Variants in KDM2A observed in about 807,000 individuals in gnomAD.
The protein encoded by KDM2A is lysine-specific demethylase 2A.
In KDM2A, 3 loss-of-function variants were observed where a neutral mutation model predicts 137.3. The ratio of observed to expected loss-of-function variants is 0.02; its 90% CI spans 0.01 to 0.06. The LOEUF is 0.06. Among genes scored for constraint, KDM2A ranks in the 10% least tolerant of loss-of-function variants. KDM2A has a pLI of 1.00. For synonymous variants in KDM2A, 512 were observed against 541.5 expected, an observed-to-expected ratio of 0.95 and a Z score of 0.76; for missense variants, 738 against 1,510.6, an observed-to-expected ratio of 0.49 and a Z score of 8.48.
At chr11:67,247,812 A>C (rs1246301149) in intron 15 of KDM2A, among the ~76,000 whole-genome samples, 1 of 152,186 alleles carries the variant, frequency 6.6e-6, no homozygotes, top group Non-Finnish European at 1.5e-5. Flanking sequence ...CATATCTCAA[A>C]CCCAAAGAAT....
In KDM2A at chr11:67,252,872, C is replaced by T. The variant is rs763803813; in HGVS notation, c.2932+15C>T. On this transcript the variant is annotated intron_variant, in intron 18 of 20. Transcript: ENST00000529006. ...TAGGCTGCCAGGTAAGTGAGCAGCC[C>T]TGCCGCTGTCTTTCCAGGGGCCCAG... 1 of 1,590,480 alleles carries T rather than the reference C, an allele frequency of 6.3e-7. No homozygotes were observed.
chr11:67,208,130 G>T (rs1565404622), intron 6 of KDM2A, among the ~76,000 whole-genome samples: 2 of 148,456 alleles, frequency 1.3e-5, no homozygotes, highest in Admixed American at 6.6e-5. Flanking sequence ...TATTTGACAA[G>T]AATAATTTGT....
intron 6 of KDM2A, among the ~76,000 whole-genome samples, chr11:67,210,853 A>G (rs1173897685): frequency 6.6e-6 from 1 of 152,204 alleles, no homozygotes; most frequent in Non-Finnish European, 1.5e-5. Flanking sequence ...TTACATTTAT[A>G]GCTAGAGGCC....
At chr11:67,177,629 TCTC>T (rs1856999095) in intron 2 of KDM2A, among the ~76,000 whole-genome samples, 1 of 152,036 alleles carries the variant, frequency 6.6e-6, no homozygotes, top group South Asian at 2.1e-4. Flanking sequence ...TGAGCTGTCA[TCTC>T]CTGTGATAAC....
chr11:67,169,913 ATGG>A (rs1856841320), intron 2 of KDM2A, among the ~76,000 whole-genome samples: 5 of 151,062 alleles, frequency 3.3e-5, no homozygotes, highest in Non-Finnish European at 5.9e-5. Flanking sequence ...ACGTGCCACC[ATGG>A]CAGGCTAATT....
At chr11:67,142,595 G>C (rs892377610) in intron 2 of KDM2A, among the ~76,000 whole-genome samples, 3 of 150,010 alleles carry the variant, frequency 2.0e-5, no homozygotes, top group Non-Finnish European at 4.5e-5. Flanking sequence ...GTTGGGGTTG[G>C]GGGGGCGTCA....
At chr11:67,145,549 A>G (rs72927000) in intron 2 of KDM2A, among the ~76,000 whole-genome samples, 1,516 of 148,542 alleles carry the variant, frequency 0.01, 11 homozygotes, top group Non-Finnish European at 0.014. Context: ...GTAGCACCCC[A>G]TTTTTTTTTT....
At chr11:67,242,116 GTCAACCAGTGTGAT>G (rs1288322472) in intron 12 of KDM2A, among the ~76,000 whole-genome samples, 2 of 152,096 alleles carry the variant, frequency 1.3e-5, no homozygotes, top group Admixed American at 1.3e-4. Flanking sequence ...CAAAATAACA[GTCAACCAGTGTGAT>G]TCACTTAAGT....
intron 2 of KDM2A, among the ~76,000 whole-genome samples, chr11:67,178,094 T>C (rs1857009435): frequency 6.6e-6 from 1 of 152,174 alleles, no homozygotes; most frequent in South Asian, 2.1e-4. Context: ...TCTCATACCA[T>C]ACAGTCTCCT....
chr11:67,164,493 T>G lies in KDM2A; in HGVS notation c.43-15586T>G, dbSNP rs139096606. Among the ~76,000 whole-genome samples, 366 of 152,262 alleles carry G rather than the reference T, an allele frequency of 2.4e-3. 2 individuals are homozygous for G. Among genetic ancestry groups the G allele is most frequent in the African/African-American group, 6.1e-3 (252 of 41,570 alleles). On this transcript the variant is annotated intron_variant, in intron 2 of 20. Coordinates refer to ENST00000529006, the MANE Select transcript of KDM2A (RefSeq NM_012308.3). ...TTGGCCTTTTTTTGTTGTTGTTGTTTTTTTGTAGCGATGGGACATTGCTCT... is the reference window on the plus strand; with the variant it reads ...TTGGCCTTTTTTTGTTGTTGTTGTTGTTTTGTAGCGATGGGACATTGCTCT...
chr11:67,145,818 C>T (rs1856230748), intron 2 of KDM2A, among the ~76,000 whole-genome samples: 1 of 151,454 alleles, frequency 6.6e-6, no homozygotes, highest in Non-Finnish European at 1.5e-5. Flanking sequence ...ATACATTTTC[C>T]TTCCTCTCTA....
At chr11:67,202,806 C>T (rs1565401745) in intron 5 of KDM2A, among the ~76,000 whole-genome samples, 1 of 150,410 alleles carries the variant, frequency 6.6e-6, no homozygotes, top group Non-Finnish European at 1.5e-5. Context: ...ATTGTCGACC[C>T]GAGAAACAGC....
At chr11:67,240,736 T>C (rs542990578) in intron 12 of KDM2A, among the ~76,000 whole-genome samples, 76 of 152,206 alleles carry the variant, frequency 5.0e-4, no homozygotes, top group Non-Finnish European at 1.0e-3. Context: ...CCCCCTCTAG[T>C]GAAGGGTGGT....
chr11:67,253,466 C>A lies in KDM2A; in HGVS notation c.2946C>A (p.Leu982=), dbSNP rs1266453786. The part of the protein sequence containing the change: ...LVNRLPGLKD[L]LLAGCSWSAV... ...CATCCATTGCAGGACTGAAAGACCT[C>A]CTCCTAGCAGGCTGCTCCTGGTCTG... The change falls in exon 19 of 21, where the codon CTC becomes CTA. Residue 982 remains leucine (L), a synonymous_variant. Transcript: ENST00000529006. 6.2e-7 allele frequency: 1 copy of A among 1,613,648 alleles called. No homozygotes were observed. The highest frequency in any genetic ancestry group is 1.1e-5 in the South Asian group (1 of 91,062).
At chr11:67,179,259 GTTT>G (rs200253663) in intron 2 of KDM2A, among the ~76,000 whole-genome samples, 1 of 151,726 alleles carries the variant, frequency 6.6e-6, no homozygotes, top group African/African-American at 2.4e-5. Flanking sequence ...GGAATGCTGG[GTTT>G]TTTTTGTTTT....
At chr11:67,140,328 T>C (rs1856070131) in intron 2 of KDM2A, among the ~76,000 whole-genome samples, 1 of 151,952 alleles carries the variant, frequency 6.6e-6, no homozygotes, top group Non-Finnish European at 1.5e-5. Flanking sequence ...ATTACGCCAC[T>C]GCACTCCATC....
intron 2 of KDM2A, among the ~76,000 whole-genome samples, chr11:67,139,009 A>G (rs1856033507): frequency 6.6e-6 from 1 of 152,196 alleles, no homozygotes; most frequent in Non-Finnish European, 1.5e-5. Flanking sequence ...ACATTTTTCT[A>G]AACCACTAAT....
At chr11:67,182,160 T>C (rs1220679570) in intron 5 of KDM2A, among the ~76,000 whole-genome samples, 2 of 152,180 alleles carry the variant, frequency 1.3e-5, no homozygotes, top group African/African-American at 2.4e-5. Flanking sequence ...TAGGGCAACC[T>C]TTCCAAGAAA....
At chr11:67,237,239 T>G (rs1858897707) in intron 12 of KDM2A, among the ~76,000 whole-genome samples, 1 of 152,118 alleles carries the variant, frequency 6.6e-6, no homozygotes, top group African/African-American at 2.4e-5. Context: ...ATCTAAAAAT[T>G]TATGTTAGGC....
Sources: gnomAD v4.1 joint callset for allele counts (sites outside exome capture counted in the v4.1 genomes callset) on GRCh38, gnomAD v4.1.1 for gene constraint, MANE v1.5 for transcripts, NCBI Gene and HGNC (gene_info 2026-07-23, HGNC 2026-07-21) for gene names.